TCF7L1: variants seen among roughly 807,000 people sequenced by gnomAD.
TCF7L1 encodes transcription factor 7-like 1.
Under a neutral mutation model 63.7 loss-of-function variants are expected in TCF7L1, and 18 were observed. The observed-to-expected ratio is 0.28, with a 90% CI of 0.20 to 0.42. The LOEUF is 0.42. Among genes scored for constraint, TCF7L1 ranks in the 10% least tolerant of loss-of-function variants. TCF7L1 has a pLI of 1.00. For missense variants in TCF7L1, 654 were observed against 779.3 expected (o/e 0.84, Z 1.91); for synonymous variants, 355 against 340.9 (o/e 1.04, Z -0.46).
At chr2:85,233,316 ATTTTTTTTT>A (rs11345481) in intron 3 of TCF7L1, among the ~76,000 whole-genome samples, 2 of 134,536 alleles carry the variant, frequency 1.5e-5, no homozygotes, top group Non-Finnish European at 3.2e-5. Flanking sequence ...AAATTCAGAG[ATTTTTTTTT>A]TTTTTTTTTT....
intron 3 of TCF7L1, among the ~76,000 whole-genome samples, chr2:85,172,864 C>G (rs960826122): frequency 6.6e-6 from 1 of 152,156 alleles, no homozygotes; most frequent in African/African-American, 2.4e-5. Context: ...CACCTCCAGC[C>G]CTCTTCACCC....
At chr2:85,282,691 G>A (rs1681445792) in intron 3 of TCF7L1, among the ~76,000 whole-genome samples, 1 of 152,052 alleles carries the variant, frequency 6.6e-6, no homozygotes, top group Non-Finnish European at 1.5e-5. Context: ...CAGGGCTCCG[G>A]AGCCCAGAAG....
intron 3 of TCF7L1, among the ~76,000 whole-genome samples, chr2:85,250,231 A>C (rs1027559660): frequency 6.6e-6 from 1 of 152,154 alleles, no homozygotes; most frequent in African/African-American, 2.4e-5. Context: ...ACGTGACATC[A>C]CTGAACACTG....
intron 3 of TCF7L1, chr2:85,187,231 C>A (rs1438817208): frequency 6.6e-6 from 1 of 152,184 alleles, no homozygotes; most frequent in Non-Finnish European, 1.5e-5. Flanking sequence ...TACTCTGATT[C>A]ACCCCAAGAT....
At chr2:85,193,618 C>A (rs1188924467) in intron 3 of TCF7L1, among the ~76,000 whole-genome samples, 3 of 152,176 alleles carry the variant, frequency 2.0e-5, no homozygotes, top group African/African-American at 7.2e-5. Context: ...ATTCTACCAG[C>A]GGTAGTTTTC....
chr2:85,162,071 T>C (rs752298516), intron 3 of TCF7L1, among the ~76,000 whole-genome samples: 2 of 150,156 alleles, frequency 1.3e-5, no homozygotes, highest in African/African-American at 4.9e-5. Flanking sequence ...AAAAAAAAAA[T>C]CAGAATACAC....
At position 85,306,673 on chromosome 2, in the gene TCF7L1, T is replaced by G. The variant is rs1682116382; in HGVS notation, c.1257+114T>G. 1 of 917,404 alleles carries G rather than the reference T, an allele frequency of 1.1e-6. No individual in the cohort carries two copies. Among genetic ancestry groups the G allele is most frequent in the Non-Finnish European group, 1.6e-6 (1 of 622,244 alleles). 56.8% of individuals were successfully genotyped at this position (917,404 alleles called of 1,614,324 possible). A position where few individuals can be genotyped will look rare whatever the true frequency, so the allele number is the denominator to read the frequency against. On this transcript the variant is annotated intron_variant, in intron 10 of 11. Transcript: ENST00000282111. The surrounding 1 kb of genome is among the most constrained non-coding windows in gnomAD (Gnocchi z 4.3). ...TTTTTATTTATTTTATTTTCTTTTA[T>G]TTTTTGAGACAGAGGCTCACCCTGT...
At chr2:85,197,450 GTC>G (rs879838797) in intron 3 of TCF7L1, among the ~76,000 whole-genome samples, 90 of 152,150 alleles carry the variant, frequency 5.9e-4, no homozygotes, top group South Asian at 1.0e-3. Flanking sequence ...TAGGCAGAAT[GTC>G]TGCTAAGGCT....
chr2:85,300,504 A>C (rs951295895), intron 4 of TCF7L1, among the ~76,000 whole-genome samples: 2 of 152,242 alleles, frequency 1.3e-5, no homozygotes, highest in Non-Finnish European at 2.9e-5. Context: ...AGCAGGGCCC[A>C]GCTGTGTGCT....
intron 3 of TCF7L1, among the ~76,000 whole-genome samples, chr2:85,242,096 A>C (rs1314837691): frequency 6.6e-6 from 1 of 152,132 alleles, no homozygotes; most frequent in Non-Finnish European, 1.5e-5. Context: ...CATCTTAAAG[A>C]AGCCAGTGAG....
At chr2:85,165,404 C>G (rs1489206495) in intron 3 of TCF7L1, among the ~76,000 whole-genome samples, 1 of 152,214 alleles carries the variant, frequency 6.6e-6, no homozygotes, top group Non-Finnish European at 1.5e-5. Flanking sequence ...CTGTTAGATC[C>G]TTCTTGGGAA....
intron 4 of TCF7L1, among the ~76,000 whole-genome samples, chr2:85,288,345 T>C (rs1681610238): frequency 6.6e-6 from 1 of 152,150 alleles, no homozygotes; most frequent in Non-Finnish European, 1.5e-5. Flanking sequence ...GGATCATTGT[T>C]GTAATTGCAA....
chr2:85,133,707 G>A lies in TCF7L1; in HGVS notation c.23G>A (p.Gly8Asp), dbSNP rs1204220769. 11 of 351,692 alleles carry A rather than the reference G, an allele frequency of 3.1e-5. No homozygotes were observed. The highest frequency in any genetic ancestry group is 3.8e-5 in the Non-Finnish European group (11 of 292,142). 21.8% of individuals were successfully genotyped at this position (351,692 alleles called of 1,614,324 possible). A position where few individuals can be genotyped will look rare whatever the true frequency, so the allele number is the denominator to read the frequency against. The change falls in exon 1 of 12, where the codon GGC becomes GAC. Residue 8 changes from glycine (G) to aspartate (D), a missense_variant. Coordinates refer to ENST00000282111, the MANE Select transcript of TCF7L1 (RefSeq NM_031283.3). The surrounding 1 kb of genome is among the most constrained non-coding windows in gnomAD (Gnocchi z 4.4). The stretch of plus-strand genomic sequence containing the variant: ...ACCATGCCCCAGCTCGGCGGCGGGG[G>A]CGGCGGCGGCGGCGGCGGCAGCGGG... The part of the protein sequence containing the change: MPQLGGG[G>D]GGGGGGSGGG...
intron 3 of TCF7L1, among the ~76,000 whole-genome samples, chr2:85,172,257 C>G (rs943095303): frequency 2.0e-5 from 3 of 152,132 alleles, no homozygotes; most frequent in African/African-American, 7.2e-5. Context: ...CCCTCCTCTC[C>G]CTTGGAGAGA....
intron 3 of TCF7L1, among the ~76,000 whole-genome samples, chr2:85,171,710 T>G (rs907062435): frequency 6.6e-6 from 1 of 152,230 alleles, no homozygotes; most frequent in African/African-American, 2.4e-5. Context: ...GGTTGGGGCT[T>G]GGAGTTGACC....
intron 3 of TCF7L1, among the ~76,000 whole-genome samples, chr2:85,227,548 C>T (rs573020613): frequency 4.6e-5 from 7 of 151,876 alleles, no homozygotes; most frequent in Non-Finnish European, 8.8e-5. Flanking sequence ...GGGACAAGCT[C>T]ACCCTAGAGC....
intron 3 of TCF7L1, among the ~76,000 whole-genome samples, chr2:85,281,030 T>C (rs1423022434): frequency 2.7e-5 from 4 of 150,350 alleles, no homozygotes; most frequent in Admixed American, 6.6e-5. Context: ...CTTTTTTTTT[T>C]TTTTTTTTTT....
chr2:85,224,762 T>C (rs1192267308), intron 3 of TCF7L1, among the ~76,000 whole-genome samples: 1 of 152,256 alleles, frequency 6.6e-6, no homozygotes, highest in Non-Finnish European at 1.5e-5. Flanking sequence ...ATAGTATCTT[T>C]TGCTGTGCAG....
At chr2:85,261,254 T>G (rs942318557) in intron 3 of TCF7L1, among the ~76,000 whole-genome samples, 1 of 150,210 alleles carries the variant, frequency 6.7e-6, no homozygotes, top group Non-Finnish European at 1.5e-5. Context: ...ACCATAAAAG[T>G]TAACTATAAT....
Sources: gnomAD v4.1 joint callset for allele counts (sites outside exome capture counted in the v4.1 genomes callset) on GRCh38, gnomAD v4.1.1 for gene constraint, Gnocchi (gnomAD v3.1) non-coding constraint, MANE v1.5 for transcripts, NCBI Gene and HGNC (gene_info 2026-07-23, HGNC 2026-07-21) for gene names.